ZAN: variants seen among roughly 807,000 people sequenced by gnomAD.
ZAN encodes zonadhesin (gene/pseudogene).
In ZAN, 260 loss-of-function variants were observed where a neutral mutation model predicts 286.2. That is an observed-to-expected ratio of 0.91 (90% CI 0.82 to 1.01). The LOEUF (loss-of-function observed/expected upper bound fraction) is 1.01. Among genes scored for constraint, ZAN ranks in the 50% least tolerant of loss-of-function variants. ZAN has a pLI of 0.00. For synonymous variants in ZAN, 1,368 were observed against 1,417.5 expected (o/e 0.97, Z 0.79); for missense variants, 3,410 against 3,639.2 (o/e 0.94, Z 1.62).
chr7:100,794,878 G>A (rs928727254), intron 44 of ZAN, among the ~76,000 whole-genome samples: 2 of 150,620 alleles, frequency 1.3e-5, no homozygotes, highest in African/African-American at 4.9e-5. Flanking sequence ...GGGCAGGGGA[G>A]GGGAGGAAAG....
At chr7:100,787,430 G>GA in intron 37 of ZAN, among the ~76,000 whole-genome samples, 1 of 151,996 alleles carries the variant, frequency 6.6e-6, no homozygotes, top group Admixed American at 6.6e-5. Flanking sequence ...AAAAGAAAAA[G>GA]AAAATTAAAA....
At chr7:100,789,586 G>T (rs565472150) in intron 39 of ZAN, among the ~76,000 whole-genome samples, 21 of 152,216 alleles carry the variant, frequency 1.4e-4, no homozygotes, top group African/African-American at 4.8e-4. Context: ...GAGGTGGGAG[G>T]ATCGCTTGAG....
chr7:100,766,762 G>T (rs1810004127), intron 24 of ZAN, 96 bp downstream of exon 24: 1 of 1,477,336 alleles, frequency 6.8e-7, no homozygotes, highest in Admixed American at 2.4e-5. Flanking sequence ...AGACAGCTGA[G>T]TCTCCACCAG....
At chr7:100,773,250 C>T in intron 29 of ZAN, 35 bp from the exon 30 acceptor site, 1 of 1,605,188 alleles carries the variant, frequency 6.2e-7, no homozygotes, top group Non-Finnish European at 8.5e-7. Context: ...CTGGACATGC[C>T]ACCCCACTCT....
intron 34 of ZAN, 131 bp from the exon 35 acceptor site, chr7:100,779,315 T>A (rs1156604692): frequency 1.1e-6 from 1 of 883,734 alleles, no homozygotes; most frequent in Non-Finnish European, 1.7e-6. Context: ...AAGGCAGAGG[T>A]TGCAGTGAGC....
At chr7:100,792,563 C>T (rs1455314495) in intron 42 of ZAN, 84 bp downstream of exon 42, 3 of 1,587,600 alleles carry the variant, frequency 1.9e-6, no homozygotes, top group Middle Eastern at 1.8e-4. Flanking sequence ...TTGCCCCTCC[C>T]TGTGCCGACC....
At chr7:100,783,783 T>TATATATATACACACACAC (rs377402352) in intron 35 of ZAN, among the ~76,000 whole-genome samples, 1 of 20,488 alleles carries the variant, frequency 4.9e-5, no homozygotes, top group African/African-American at 1.4e-4. Context: ...TATATATATA[T>TATATATATACACACACAC]ACACATATAT....
Position 100,794,219 on chromosome 7 carries a change from G to A in ZAN, c.8086G>A (p.Val2696Ile). Residue 2696 changes from valine (V) to isoleucine (I), a missense_variant, in exon 44 of 48, where the codon GTC becomes ATC. Coordinates refer to ENST00000613979, the MANE Select transcript of ZAN (RefSeq NM_003386.3). ...GCCCTTCAGCTGCAGAGCGGGGGAG[G>A]TCTGCACCCTGGGGAACCACACCCA... The part of the protein sequence containing the change: ...CEPFSCRAGE[V>I]CTLGNHTQGC... 6.2e-7 allele frequency: 1 copy of A among 1,612,986 alleles called. No homozygotes were observed. Among genetic ancestry groups the A allele is most frequent in the Non-Finnish European group, 8.5e-7 (1 of 1,179,316 alleles).
At chr7:100,770,538 G>A (rs566118925) in intron 28 of ZAN, among the ~76,000 whole-genome samples, 1 of 151,644 alleles carries the variant, frequency 6.6e-6, no homozygotes, top group South Asian at 2.1e-4. Flanking sequence ...TAGAGATGGG[G>A]GAGTCTCACT....
chr7:100,764,715 T>C (rs1487974878), intron 22 of ZAN, among the ~76,000 whole-genome samples: 1 of 148,246 alleles, frequency 6.7e-6, no homozygotes, highest in Non-Finnish European at 1.5e-5. Context: ...AATAAATAAA[T>C]AAATATACAA....
At chr7:100,749,596 C>T (rs1402883793) in intron 11 of ZAN, among the ~76,000 whole-genome samples, 7 of 146,622 alleles carry the variant, frequency 4.8e-5, no homozygotes, top group Non-Finnish European at 8.9e-5. Flanking sequence ...GCCGAGATCA[C>T]GCCATTGTAC....
At chr7:100,770,032 G>C in intron 28 of ZAN, 58 bp downstream of exon 28, 1 of 1,492,844 alleles carries the variant, frequency 6.7e-7, no homozygotes. Flanking sequence ...GCTGGGGAGG[G>C]AGTCTAGTCA....
At chr7:100,739,238 C>T (rs1171146858) in intron 7 of ZAN, among the ~76,000 whole-genome samples, 1 of 135,998 alleles carries the variant, frequency 7.4e-6, no homozygotes, top group Non-Finnish European at 1.6e-5. Flanking sequence ...TCTCGAACTC[C>T]GGACCTCAAG....
chr7:100,750,087 C>CACACACACACAT (rs1554399873), intron 11 of ZAN, among the ~76,000 whole-genome samples: 1 of 150,330 alleles, frequency 6.7e-6, no homozygotes, highest in African/African-American at 2.5e-5. Context: ...CACACACACA[C>CACACACACACAT]ACACACACAC....
chr7:100,740,415 G>A (rs1807658264), intron 7 of ZAN, among the ~76,000 whole-genome samples: 1 of 88,094 alleles, frequency 1.1e-5, no homozygotes, highest in African/African-American at 4.9e-5. Flanking sequence ...GTGAACAAAG[G>A]TCTCTGGTTT....
At chr7:100,797,525 G>A in intron 46 of ZAN, 52 bp from the exon 47 acceptor site, 4 of 1,613,660 alleles carry the variant, frequency 2.5e-6, no homozygotes, top group Non-Finnish European at 3.4e-6. Flanking sequence ...GAAGCGGCTG[G>A]GCCCGTAAAG....
At position 100,792,544 on chromosome 7, in the gene ZAN, G is replaced by C. The variant is rs140343151; in HGVS notation, c.7787+65G>C. On this transcript the variant is annotated intron_variant, in intron 42 of 47. Coordinates refer to ENST00000613979, the MANE Select transcript of ZAN (RefSeq NM_003386.3). ...TGGCTGGCGGGACCGCACCCTCTGCGGTGAGGTGTTGCCCCTCCCTGTGCC... is the reference window on the plus strand; with the variant it reads ...TGGCTGGCGGGACCGCACCCTCTGCCGTGAGGTGTTGCCCCTCCCTGTGCC... 5 of 1,604,092 alleles carry C rather than the reference G, an allele frequency of 3.1e-6. No homozygotes were observed. In the African/African-American group the frequency reaches 6.7e-5, roughly 21 times the overall value.
Position 100,794,057 on chromosome 7 carries a change from G to A in ZAN, c.7986+39G>A, listed in dbSNP as rs748422403. 2.1e-5 allele frequency: 34 copies of A among 1,612,460 alleles called. No homozygotes were observed. In the Middle Eastern group the frequency reaches 4.9e-4, roughly 23 times the overall value. ...GCAGGAGGCCCTGGGGAGCAGAGGC[G>A]CCAAGGAGAGCCAGACCAGGGATGG... is the stretch of plus-strand genomic sequence containing the variant. On this transcript the variant is annotated intron_variant, in intron 43 of 47. Transcript: ENST00000613979.
Position 100,737,301 on chromosome 7 carries a change from G to A in ZAN, c.565G>A (p.Asp189Asn). 6.7e-7 allele frequency: 1 copy of A among 1,490,206 alleles called. No individual in the cohort carries two copies. The highest frequency in any genetic ancestry group is 9.2e-7 in the Non-Finnish European group (1 of 1,089,672). 92.3% of individuals were successfully genotyped at this position (1,490,206 alleles called of 1,614,324 possible). Residue 189 changes from aspartate to asparagine, a missense_variant, in exon 6 of 48, where the codon GAC (aspartate) becomes AAC (asparagine). Asp to Asn is a conservative substitution (Grantham distance 23). This residue lies in a region of ZAN where 872 missense variants were observed against 938.9 expected (regional missense o/e 0.93). Coordinates refer to ENST00000613979, the MANE Select transcript of ZAN (RefSeq NM_003386.3). ...EGTRGSTAYL[D>N]IALDALSIRR... ...AACACGGGGTAGCACTGCCTACCTGGACATCGCCCTGGATGCCCTCTCTAT... is the reference window on the plus strand; with the variant it reads ...AACACGGGGTAGCACTGCCTACCTGAACATCGCCCTGGATGCCCTCTCTAT...
Sources: allele counts gnomAD v4.1 joint callset (sites outside exome capture counted in the v4.1 genomes callset), GRCh38; gene constraint gnomAD v4.1.1; regional missense constraint gnomAD v4.1.1; transcripts MANE v1.5; gene names NCBI Gene and HGNC (gene_info 2026-07-23, HGNC 2026-07-21).